Variants in PATL1 observed in about 807,000 individuals in gnomAD.
PATL1 encodes protein PAT1 homolog 1.
A neutral mutation model predicts 100.6 loss-of-function variants in PATL1; 32 were observed. That is an observed-to-expected ratio of 0.32 (90% CI 0.24 to 0.43). PATL1 has a LOEUF of 0.43. PATL1 is among the 20% of genes least tolerant of loss of function. The pLI is 1.00. For missense variants in PATL1, 747 were observed against 949.9 expected (o/e 0.79, Z 2.81); for synonymous variants, 332 against 330.0 (o/e 1.01, Z -0.07).
At chr11:59,649,872 A>G (rs968631222) in intron 13 of PATL1, among the ~76,000 whole-genome samples, 3 of 152,196 alleles carry the variant, frequency 2.0e-5, no homozygotes, top group Non-Finnish European at 4.4e-5. Context: ...CTGTAATCCC[A>G]GCACTTTGGG....
intron 17 of PATL1, 33 bp downstream of exon 17, chr11:59,639,259 C>T: frequency 3.2e-6 from 5 of 1,572,836 alleles, no homozygotes; most frequent in Non-Finnish European, 4.3e-6. Context: ...CCTCAAAGAA[C>T]TTAAAATAAG....
chr11:59,641,234 C>T (rs1248280431), intron 16 of PATL1, among the ~76,000 whole-genome samples: 3 of 150,626 alleles, frequency 2.0e-5, no homozygotes, highest in Non-Finnish European at 3.0e-5. Context: ...GTGGGAGGAT[C>T]GCTTTGAGTA....
At chr11:59,640,875 T>C (rs1461807935) in intron 16 of PATL1, among the ~76,000 whole-genome samples, 2 of 151,320 alleles carry the variant, frequency 1.3e-5, no homozygotes, top group Non-Finnish European at 2.9e-5. Context: ...GCAAAAAATA[T>C]AAAAATCAAT....
intron 13 of PATL1, 72 bp downstream of exon 13, chr11:59,650,682 C>A: frequency 9.5e-7 from 1 of 1,048,734 alleles, no homozygotes. Flanking sequence ...CTCACTGTTT[C>A]AGTTCTAGTA....
In PATL1 at chr11:59,659,457, T is replaced by C; in HGVS notation, c.140A>G (p.Gln47Arg). Residue 47 changes from glutamine (Q) to arginine (R), a missense_variant, in exon 3 of 19, where the codon CAG (glutamine) becomes CGG (arginine). Transcript: ENST00000300146. ...TTCAGCCAGGCGCTCATGTGCTTCC[T>C]GCCAATCATCATCTATAAGATGACA... ...FGSGAVDDDW[Q>R]EAHERLAELE... 6.5e-7 allele frequency: 1 copy of C among 1,550,106 alleles called. No homozygotes were observed. Among genetic ancestry groups the C allele is most frequent in the Non-Finnish European group, 8.7e-7 (1 of 1,146,902 alleles).
chr11:59,657,456 ACATCACCAATTTTCC>A, intron 5 of PATL1, 59 bp downstream of exon 5: 1 of 1,340,880 alleles, frequency 7.5e-7, no homozygotes. Context: ...CCTCCACCCA[ACATCACCAATTTTCC>A]AAATAATTTT....
At chr11:59,659,504 C>A (rs1228668813) in intron 2 of PATL1, 35 bp from the exon 3 acceptor site, 1 of 1,495,970 alleles carries the variant, frequency 6.7e-7, no homozygotes, top group Non-Finnish European at 9.0e-7. Context: ...AGAAATAGTT[C>A]ATAGTGGTAC....
At chr11:59,667,640 A>T (rs1861710125) in intron 1 of PATL1, among the ~76,000 whole-genome samples, 1 of 152,210 alleles carries the variant, frequency 6.6e-6, no homozygotes, top group African/African-American at 2.4e-5. Context: ...ATTGCGTCTA[A>T]GGTTCTGTGC....
intron 12 of PATL1, among the ~76,000 whole-genome samples, chr11:59,651,280 T>C (rs1861440198): frequency 6.6e-6 from 1 of 152,138 alleles, no homozygotes; most frequent in African/African-American, 2.4e-5. Context: ...TTTTTTAACA[T>C]CAAACTGGAG....
intron 5 of PATL1, 72 bp from the exon 6 acceptor site, chr11:59,656,672 C>A: frequency 7.6e-7 from 1 of 1,310,314 alleles, no homozygotes; most frequent in Non-Finnish European, 1.1e-6. Flanking sequence ...TCCCTCCCCT[C>A]AAGTACTGGT....
chr11:59,649,513 T>A lies in PATL1; in HGVS notation c.1682A>T (p.Lys561Ile), dbSNP rs1861411257. ...RPALMDDRKH[K>I]ICSMYDNLRG... ...TAAGTTGTCATACATGCTACAAATTTTGTGCTTTCTGTCATCCATTAGGGC... is the reference window on the plus strand; with the variant it reads ...TAAGTTGTCATACATGCTACAAATTATGTGCTTTCTGTCATCCATTAGGGC... Residue 561 changes from lysine to isoleucine, a missense_variant, in exon 14 of 19, where the codon AAA becomes ATA. Lys to Ile is a moderately radical substitution (Grantham distance 102, BLOSUM62 -3). Transcript: ENST00000300146. 1 of 1,613,832 alleles carries A rather than the reference T, an allele frequency of 6.2e-7. No individual in the cohort carries two copies. The highest frequency in any genetic ancestry group is 1.7e-5 in the Admixed American group (1 of 59,994).
intron 3 of PATL1, 132 bp downstream of exon 3, chr11:59,659,120 G>A: frequency 1.0e-6 from 1 of 986,208 alleles, no homozygotes; most frequent in South Asian, 1.6e-5. Context: ...TCTATCATCA[G>A]GAAATATATT....
At chr11:59,640,740 C>T (rs1861266414) in intron 16 of PATL1, among the ~76,000 whole-genome samples, 1 of 147,692 alleles carries the variant, frequency 6.8e-6, no homozygotes, top group South Asian at 2.2e-4. Context: ...AAAAAATGAA[C>T]AGGGGGCTGG....
rs1013889234 is a variant in PATL1 at position 59,668,770 on chromosome 11, C to T, written c.15+111G>A. 5.9e-5 allele frequency: 35 copies of T among 589,612 alleles called. 1 individual carries two copies. Among genetic ancestry groups the T allele is most frequent in the South Asian group, 4.9e-4 (26 of 53,492 alleles). 36.5% of individuals were successfully genotyped at this position (589,612 alleles called of 1,614,324 possible). A position where few individuals can be genotyped will look rare whatever the true frequency, so the allele number is the denominator to read the frequency against. Reference sequence around the variant, plus strand: ...TCGCGTCCAGCTAAGTCCTGCGACTCCCCCAGCCCGCCCCCTGCCCCGCAG... The same window carrying T: ...TCGCGTCCAGCTAAGTCCTGCGACTTCCCCAGCCCGCCCCCTGCCCCGCAG... On this transcript the variant is annotated intron_variant, in intron 1 of 18. Transcript: ENST00000300146.
intron 8 of PATL1, among the ~76,000 whole-genome samples, chr11:59,654,797 G>T (rs986970963): frequency 6.6e-6 from 1 of 152,124 alleles, no homozygotes; most frequent in Admixed American, 6.5e-5. Flanking sequence ...TTGCTGTGAG[G>T]GTATTTTGTA....
At chr11:59,662,993 A>G (rs1861646864) in intron 2 of PATL1, among the ~76,000 whole-genome samples, 1 of 152,138 alleles carries the variant, frequency 6.6e-6, no homozygotes. Context: ...ATCATTTTAG[A>G]TTTTTCTTAC....
intron 15 of PATL1, among the ~76,000 whole-genome samples, chr11:59,645,777 T>A (rs1565131187): frequency 6.6e-6 from 1 of 152,192 alleles, no homozygotes; most frequent in Non-Finnish European, 1.5e-5. Context: ...TCTCTTGAAG[T>A]TGGTTTGTGT....
chr11:59,654,946 C>T (rs1861504963), intron 8 of PATL1, among the ~76,000 whole-genome samples: 1 of 152,188 alleles, frequency 6.6e-6, no homozygotes, highest in African/African-American at 2.4e-5. Context: ...TGCCTCAAAA[C>T]TGGAACACAG....
At position 59,658,513 on chromosome 11, in the gene PATL1, G is replaced by T. The variant is rs1590702749; in HGVS notation, c.426+353C>A. Among the ~76,000 whole-genome samples, 5 of 152,032 alleles carry T rather than the reference G, an allele frequency of 3.3e-5. 1 individual carries two copies. Among genetic ancestry groups the T allele is most frequent in the Admixed American group, 3.3e-4 (5 of 15,274 alleles). On this transcript the variant is annotated intron_variant, in intron 4 of 18. Transcript: ENST00000300146. The stretch of plus-strand genomic sequence containing the variant: ...AATTTTTGTATTTTTAGTAAGGATG[G>T]GGTTTCACCATGTTGGCCAGGCTGG...
Sources: allele counts gnomAD v4.1 joint callset (sites outside exome capture counted in the v4.1 genomes callset), GRCh38; gene constraint gnomAD v4.1.1; transcripts MANE v1.5; gene names NCBI Gene and HGNC (gene_info 2026-07-23, HGNC 2026-07-21).